FRMPD2: variants seen among roughly 807,000 people sequenced by gnomAD.
FRMPD2 encodes the protein FERM and PDZ domain containing 2, also known as FERM and PDZ domain-containing protein 2.
A neutral mutation model predicts 140.1 loss-of-function variants in FRMPD2; 96 were observed. The observed-to-expected ratio is 0.69, with a 90% CI of 0.58 to 0.81. The LOEUF is 0.81. FRMPD2 is among the 40% of genes least tolerant of loss of function. FRMPD2 has a pLI of 0.00. For synonymous variants in FRMPD2, 449 were observed against 547.6 expected, an observed-to-expected ratio of 0.82 and a Z score of 2.52; for missense variants, 1,240 against 1,447.4, an observed-to-expected ratio of 0.86 and a Z score of 2.32.
At chr10:48,267,591 T>A (rs1840699784) in intron 1 of FRMPD2, among the ~76,000 whole-genome samples, 3 of 152,216 alleles carry the variant, frequency 2.0e-5, no homozygotes, top group Admixed American at 6.5e-5. Flanking sequence ...GTCTAGTAAC[T>A]GGAATACATG....
intron 19 of FRMPD2, 40 bp downstream of exon 19, chr10:48,184,734 T>G: frequency 6.3e-7 from 1 of 1,599,066 alleles, no homozygotes; most frequent in Non-Finnish European, 8.6e-7. Flanking sequence ...AAAAGAGTGG[T>G]TTCTTAAAAC....
At chr10:48,265,144 G>T (rs1462249044) in intron 1 of FRMPD2, among the ~76,000 whole-genome samples, 1 of 152,136 alleles carries the variant, frequency 6.6e-6, no homozygotes. Context: ...ATGGTGCTGG[G>T]ATAATGGCTA....
At chr10:48,257,911 C>T (rs556363619) in intron 1 of FRMPD2, among the ~76,000 whole-genome samples, 2 of 152,312 alleles carry the variant, frequency 1.3e-5, no homozygotes, top group East Asian at 1.9e-4. Flanking sequence ...GAGCAGCTTC[C>T]AACTATGGGA....
intron 1 of FRMPD2, 104 bp from the exon 2 acceptor site, chr10:48,251,795 T>C: frequency 7.4e-7 from 1 of 1,356,586 alleles, no homozygotes; most frequent in Admixed American, 1.8e-5. Context: ...TGGCCACTAC[T>C]GCACACCGGC....
Position 48,213,158 on chromosome 10 carries a change from T to C in FRMPD2, c.1456-1049A>G, listed in dbSNP as rs148072975. Among the ~76,000 whole-genome samples the C allele has an allele frequency of 1.4e-3, 208 of 152,326 alleles. 1 individual carries two copies. The highest frequency in any genetic ancestry group is 4.7e-3 in the African/African-American group (196 of 41,564). On this transcript the variant is annotated intron_variant, in intron 12 of 28. Coordinates refer to ENST00000374201, the MANE Select transcript of FRMPD2 (RefSeq NM_001018071.4). ...TGTCCACTACCTCCCACACTCCTGA[T>C]GTAGCATGTCCCCATGTGGCCATGG...
intron 1 of FRMPD2, among the ~76,000 whole-genome samples, chr10:48,269,639 G>A (rs1835311030): frequency 6.6e-6 from 1 of 152,178 alleles, no homozygotes; most frequent in South Asian, 2.1e-4. Context: ...GTTGAGAAGT[G>A]GCTTGCCCTG....
intron 27 of FRMPD2, among the ~76,000 whole-genome samples, chr10:48,168,179 T>C (rs1838149723): frequency 7.3e-6 from 1 of 136,990 alleles, no homozygotes; most frequent in Admixed American, 7.1e-5. Context: ...CTCTCTTCTT[T>C]GAACCAGACT....
At chr10:48,221,659 T>C (rs938075221) in intron 12 of FRMPD2, among the ~76,000 whole-genome samples, 2 of 152,224 alleles carry the variant, frequency 1.3e-5, no homozygotes, top group African/African-American at 4.8e-5. Flanking sequence ...GTGATTATGA[T>C]AGGAATTCAA....
chr10:48,216,994 G>A (rs897782203), intron 12 of FRMPD2, among the ~76,000 whole-genome samples: 8 of 152,190 alleles, frequency 5.3e-5, no homozygotes, highest in Non-Finnish European at 1.0e-4. Flanking sequence ...GCAGGGAGGA[G>A]GTTAAGAGGG....
rs544245599 is a variant in FRMPD2 at position 48,196,589 on chromosome 10, A to G, written c.1955-3695T>C. Reference sequence around the variant, plus strand: ...GGGTGACCACCTTTGTACAAGACATATCATGGCAAAGAGAGGTGTGTGAGA... The same window carrying G: ...GGGTGACCACCTTTGTACAAGACATGTCATGGCAAAGAGAGGTGTGTGAGA... On this transcript the variant is annotated intron_variant, in intron 15 of 28. Transcript: ENST00000374201. Among the ~76,000 whole-genome samples, 4 of 152,270 alleles carry G rather than the reference A, an allele frequency of 2.6e-5. No individual in the cohort carries two copies. In the South Asian group the frequency reaches 8.3e-4, roughly 32 times the overall value.
At chr10:48,215,441 T>C (rs1839423528) in intron 12 of FRMPD2, among the ~76,000 whole-genome samples, 1 of 152,208 alleles carries the variant, frequency 6.6e-6, no homozygotes, top group Admixed American at 6.5e-5. Flanking sequence ...CTTTCTAGCT[T>C]ACCTAACCTC....
chr10:48,175,749 G>C (rs1392471694), intron 23 of FRMPD2, 97 bp downstream of exon 23: 2 of 679,070 alleles, frequency 2.9e-6, no homozygotes, highest in Non-Finnish European at 5.4e-6. Context: ...TTTCAGAATG[G>C]GAGCAGGGCA....
At chr10:48,268,793 G>C (rs1333558944) in intron 1 of FRMPD2, among the ~76,000 whole-genome samples, 1 of 152,198 alleles carries the variant, frequency 6.6e-6, no homozygotes, top group African/African-American at 2.4e-5. Flanking sequence ...ATCTACACAA[G>C]TATTACAATG....
rs1840530208 is a variant in FRMPD2, at chr10:48,258,767, G to A, written c.26-7076C>T. Among the ~76,000 whole-genome samples, 4 of 152,256 alleles carry A rather than the reference G, an allele frequency of 2.6e-5. No homozygotes were observed. In the South Asian group the frequency reaches 8.3e-4, roughly 32 times the overall value. On this transcript the variant is annotated intron_variant, in intron 1 of 28. Coordinates refer to ENST00000374201, the MANE Select transcript of FRMPD2 (RefSeq NM_001018071.4). ...ATTCCCATCTCACTTGTACAATTAA[G>A]ACAAGTTTTTTCATTTAAATGCATT...
intron 13 of FRMPD2, among the ~76,000 whole-genome samples, chr10:48,210,470 CAA>C (rs1406194505): frequency 1.3e-5 from 2 of 152,186 alleles, no homozygotes; most frequent in Non-Finnish European, 2.9e-5. Flanking sequence ...GATCAGCACT[CAA>C]AGTCAGGGTC....
chr10:48,272,290 A>G (rs951294796), intron 1 of FRMPD2, among the ~76,000 whole-genome samples: 1 of 152,228 alleles, frequency 6.6e-6, no homozygotes, highest in Admixed American at 6.5e-5. Context: ...ATTCTGTGAT[A>G]TGCTGAAGAA....
chr10:48,219,226 C>T (rs1588836962), intron 12 of FRMPD2, among the ~76,000 whole-genome samples: 4 of 136,328 alleles, frequency 2.9e-5, no homozygotes, highest in South Asian at 2.2e-4. Flanking sequence ...GTTAACATTT[C>T]TTTCTTTCTT....
chr10:48,184,683 C>CTAGAAAAAT lies in FRMPD2; in HGVS notation c.2468-10_2468-2dup, dbSNP rs766850468. The CTAGAAAAAT allele has an allele frequency of 1.6e-5, 25 of 1,606,296 alleles. No individual in the cohort carries two copies. Among genetic ancestry groups the CTAGAAAAAT allele is most frequent in the Middle Eastern group, 3.3e-4 (2 of 6,066 alleles). On this transcript the variant is annotated splice_acceptor_variant, in intron 19 of 28. Coordinates refer to ENST00000374201, the MANE Select transcript of FRMPD2 (RefSeq NM_001018071.4). LOFTEE classifies it high-confidence loss of function. ...TGATTCAGGGCTAGTATCTGCCCTC[C>CTAGAAAAAT]TAGAAAAATAAAACATCTCAATAAT...
chr10:48,241,867 G>C (rs908587026), intron 5 of FRMPD2, among the ~76,000 whole-genome samples: 3 of 152,142 alleles, frequency 2.0e-5, no homozygotes, highest in Admixed American at 6.5e-5. Flanking sequence ...TTTATGTAAG[G>C]ACGCACTTGC....
Sources: gnomAD v4.1 joint callset for allele counts (sites outside exome capture counted in the v4.1 genomes callset) on GRCh38, gnomAD v4.1.1 for gene constraint, MANE v1.5 for transcripts, NCBI Gene and HGNC (gene_info 2026-07-23, HGNC 2026-07-21) for gene names.